The following B3GALT1 variants were observed in gnomAD, a reference collection of about 807,000 sequenced individuals.
The protein encoded by B3GALT1 is beta-1,3-galactosyltransferase 1, also known as UDP-Gal:betaGlcNAc beta 1,3-galactosyltransferase, polypeptide 1.
B3GALT1 carries 10 observed loss-of-function variants against 23.2 expected under a neutral mutation model. The observed-to-expected ratio is 0.43, with a 90% confidence interval of 0.27 to 0.73. The LOEUF is 0.73. Among genes scored for constraint, B3GALT1 ranks in the 30% least tolerant of loss-of-function variants. The pLI, the probability that B3GALT1 is intolerant of heterozygous loss-of-function variation, is 0.21. For missense variants in B3GALT1, 299 were observed against 405.4 expected (o/e 0.74, Z 2.25); for synonymous variants, 156 against 141.5 (o/e 1.10, Z -0.73).
intron 1 of B3GALT1, among the ~76,000 whole-genome samples, chr2:167,358,472 T>G (rs1360171209): frequency 2.6e-5 from 4 of 152,312 alleles, no homozygotes; most frequent in Middle Eastern, 3.4e-3. Context: ...TTAACAGTTT[T>G]TTTGTGTATG....
chr2:167,774,566 C>T (rs1474054253), intron 3 of B3GALT1, among the ~76,000 whole-genome samples: 1 of 136,384 alleles, frequency 7.3e-6, no homozygotes, highest in Admixed American at 8.3e-5. Context: ...GGCGTGATCT[C>T]GGCTCACTGC....
chr2:167,661,523 T>G (rs1218630437), intron 3 of B3GALT1, among the ~76,000 whole-genome samples: 1 of 152,078 alleles, frequency 6.6e-6, no homozygotes, highest in Non-Finnish European at 1.5e-5. Context: ...AACTAGATAC[T>G]CTACCTAGAT....
At chr2:167,352,708 G>A (rs867637614) in intron 1 of B3GALT1, among the ~76,000 whole-genome samples, 1 of 139,440 alleles carries the variant, frequency 7.2e-6, no homozygotes, top group Non-Finnish European at 1.6e-5. Flanking sequence ...GCGACAGAGC[G>A]AGACTCCATC....
In B3GALT1 at chr2:167,405,635, G is replaced by GTA. The variant is rs746505841; in HGVS notation, c.-510-84532_-510-84531dup. Among the ~76,000 whole-genome samples, 13 of 151,896 alleles carry GTA rather than the reference G, an allele frequency of 8.6e-5. No individual in the cohort carries two copies. In the South Asian group the frequency reaches 1.2e-3, roughly 15 times the overall value. Reference sequence around the variant, plus strand: ...TGTTCAGACAAAGGGTTTTCTTTGTGTATATATATATTTGAAGCTATGGAA... The same window carrying GTA: ...TGTTCAGACAAAGGGTTTTCTTTGTGTATATATATATATTTGAAGCTATGGAA... On this transcript the variant is annotated intron_variant, in intron 1 of 4. Coordinates refer to ENST00000392690, the MANE Select transcript of B3GALT1 (RefSeq NM_020981.4).
chr2:167,788,797 A>G (rs1396214530), intron 3 of B3GALT1, among the ~76,000 whole-genome samples: 1 of 152,144 alleles, frequency 6.6e-6, no homozygotes, highest in East Asian at 1.9e-4. Context: ...GTGACCAGAA[A>G]ATTTATGGGA....
At chr2:167,722,253 C>A (rs946744121) in intron 3 of B3GALT1, among the ~76,000 whole-genome samples, 5 of 152,318 alleles carry the variant, frequency 3.3e-5, no homozygotes, top group South Asian at 2.1e-4. Flanking sequence ...TGCACAGATA[C>A]TCCGAAGATA....
intron 1 of B3GALT1, among the ~76,000 whole-genome samples, chr2:167,458,409 C>G (rs1419250300): frequency 6.6e-6 from 1 of 152,228 alleles, no homozygotes; most frequent in Admixed American, 6.5e-5. Flanking sequence ...AATAATGCTG[C>G]TATGAGCATG....
At chr2:167,559,766 A>C (rs1683933436) in intron 2 of B3GALT1, among the ~76,000 whole-genome samples, 1 of 152,200 alleles carries the variant, frequency 6.6e-6, no homozygotes, top group East Asian at 1.9e-4. Context: ...AAAAGAATAA[A>C]AAGAAATGAA....
At chr2:167,705,366 A>G (rs2105513540) in intron 3 of B3GALT1, among the ~76,000 whole-genome samples, 2 of 152,346 alleles carry the variant, frequency 1.3e-5, no homozygotes, top group South Asian at 4.1e-4. Flanking sequence ...AAAGCTATTC[A>G]TCATATTAGA....
intron 1 of B3GALT1, among the ~76,000 whole-genome samples, chr2:167,435,183 T>A (rs1165546199): frequency 6.6e-6 from 1 of 151,912 alleles, no homozygotes; most frequent in Non-Finnish European, 1.5e-5. Context: ...CATACATTTT[T>A]TAGGCTTTAC....
At chr2:167,563,368 A>T in intron 2 of B3GALT1, among the ~76,000 whole-genome samples, 1 of 114,464 alleles carries the variant, frequency 8.7e-6, no homozygotes, top group Non-Finnish European at 1.8e-5. Context: ...TGACTCCCCC[A>T]CCTCCCTCCC....
chr2:167,637,452 G>C (rs1685576335), intron 2 of B3GALT1, among the ~76,000 whole-genome samples: 1 of 151,988 alleles, frequency 6.6e-6, no homozygotes, highest in Non-Finnish European at 1.5e-5. Flanking sequence ...GATCAAGTCA[G>C]AGTATTTGCA....
rs564012191 is a variant in B3GALT1, at chr2:167,678,881, T to C, written c.-352+31915T>C. Among the ~76,000 whole-genome samples, 4 of 152,298 alleles carry C rather than the reference T, an allele frequency of 2.6e-5. No individual in the cohort carries two copies. In the South Asian group the frequency reaches 8.3e-4, roughly 32 times the overall value. On this transcript the variant is annotated intron_variant, in intron 3 of 4. Transcript: ENST00000392690. ...GACAGTTTGCTTCATGTAATGTATA[T>C]TTTCATGTCATGATATTCAAGTGGC...
intron 1 of B3GALT1, among the ~76,000 whole-genome samples, chr2:167,487,511 T>C (rs1282872274): frequency 6.6e-6 from 1 of 152,234 alleles, no homozygotes; most frequent in Non-Finnish European, 1.5e-5. Flanking sequence ...AATAACTCTT[T>C]ATATGGTTCA....
At chr2:167,805,179 T>A (rs1298225446) in intron 3 of B3GALT1, among the ~76,000 whole-genome samples, 1 of 152,224 alleles carries the variant, frequency 6.6e-6, no homozygotes, top group African/African-American at 2.4e-5. Context: ...GGGCTGTTTG[T>A]TTTTTCCTTG....
At chr2:167,497,586 T>C (rs1410487119) in intron 2 of B3GALT1, among the ~76,000 whole-genome samples, 1 of 152,014 alleles carries the variant, frequency 6.6e-6, no homozygotes, top group African/African-American at 2.4e-5. Context: ...AGAAGAGTTA[T>C]TAAGGAGTCA....
intron 1 of B3GALT1, among the ~76,000 whole-genome samples, chr2:167,446,473 C>G (rs765144038): frequency 6.6e-6 from 1 of 152,296 alleles, no homozygotes; most frequent in African/African-American, 2.4e-5. Flanking sequence ...CAACTTGGTT[C>G]CATTCTCCCT....
chr2:167,751,002 G>A (rs1687726442), intron 3 of B3GALT1, among the ~76,000 whole-genome samples: 1 of 152,184 alleles, frequency 6.6e-6, no homozygotes, highest in Non-Finnish European at 1.5e-5. Context: ...GAGCCATACA[G>A]TCTCTGTCAC....
intron 3 of B3GALT1, among the ~76,000 whole-genome samples, chr2:167,655,638 A>G (rs945931761): frequency 6.6e-6 from 1 of 152,178 alleles, no homozygotes; most frequent in South Asian, 2.1e-4. Context: ...CAGTTTGTAA[A>G]TCATTTTTTC....
Sources: allele counts gnomAD v4.1 joint callset (sites outside exome capture counted in the v4.1 genomes callset), GRCh38; gene constraint gnomAD v4.1.1; transcripts MANE v1.5; gene names NCBI Gene and HGNC (gene_info 2026-07-23, HGNC 2026-07-21).